The following REV1 variants were observed in gnomAD, a reference collection of about 807,000 sequenced individuals.
REV1 encodes the protein REV1 DNA directed polymerase.
A neutral mutation model predicts 137.4 loss-of-function variants in REV1; 42 were observed. That is an observed-to-expected ratio of 0.31 (90% CI 0.24 to 0.40). The LOEUF is 0.40. Among genes scored for constraint, REV1 ranks in the 10% least tolerant of loss-of-function variants. The probability of loss-of-function intolerance (pLI) is 1.00; values close to 1 mark genes in which losing one functional copy is unlikely to be tolerated. For synonymous variants in REV1, 524 were observed against 519.2 expected (o/e 1.01, Z -0.12); for missense variants, 1,282 against 1,490.1 (o/e 0.86, Z 2.30).
At chr2:99,465,108 AAT>A in intron 1 of REV1, 123 bp from the exon 2 acceptor site, 1 of 587,054 alleles carries the variant, frequency 1.7e-6, no homozygotes, top group South Asian at 2.7e-5. Context: ...GAAAGTATAC[AAT>A]ATTAAGTAAA....
At chr2:99,411,202 C>T (rs1217389636) in intron 13 of REV1, among the ~76,000 whole-genome samples, 5 of 151,922 alleles carry the variant, frequency 3.3e-5, no homozygotes, top group Non-Finnish European at 4.4e-5. Flanking sequence ...GTAGGAGAAT[C>T]GCTTGAACCC....
At chr2:99,444,930 C>T (rs1183788414) in intron 4 of REV1, among the ~76,000 whole-genome samples, 1 of 152,164 alleles carries the variant, frequency 6.6e-6, no homozygotes, top group Non-Finnish European at 1.5e-5. Flanking sequence ...ATAAAAAAAT[C>T]CATCTTTATC....
intron 9 of REV1, among the ~76,000 whole-genome samples, chr2:99,428,948 T>G (rs1038562528): frequency 7.1e-6 from 1 of 141,844 alleles, no homozygotes; most frequent in Non-Finnish European, 1.5e-5. Context: ...GCCAAGATGG[T>G]GCCACTGCAC....
chr2:99,445,957 A>C (rs770873135), intron 4 of REV1, among the ~76,000 whole-genome samples: 23 of 152,358 alleles, frequency 1.5e-4, no homozygotes, highest in Admixed American at 4.6e-4. Context: ...TGTAACGTTT[A>C]TTAAATAGCT....
rs779796057 is a variant in REV1 at position 99,424,946 on chromosome 2, C to T, written c.1548-666G>A. The stretch of plus-strand genomic sequence containing the variant: ...TAAATCTGTGTGTCTCAGTGCCCCA[C>T]ATTACCTTTGACATTTGGAGCATTC... On this transcript the variant is annotated intron_variant, in intron 9 of 22. Coordinates refer to ENST00000258428, the MANE Select transcript of REV1 (RefSeq NM_016316.4). 7 of 1,243,240 alleles carry T rather than the reference C, an allele frequency of 5.6e-6. No individual in the cohort carries two copies. The African/African-American group carries it at 9.3e-5, about 17-fold the overall frequency. The allele number at this position is 1,243,240 out of a possible 1,614,324, so 77.0% of individuals were successfully genotyped here.
chr2:99,488,821 G>A (rs1402763011), intron 1 of REV1, among the ~76,000 whole-genome samples: 1 of 152,168 alleles, frequency 6.6e-6, no homozygotes, highest in Non-Finnish European at 1.5e-5. Flanking sequence ...TGCCAAGTCC[G>A]GAAAGACCAG....
chr2:99,440,335 G>T (rs1681319523), intron 5 of REV1, among the ~76,000 whole-genome samples: 1 of 152,228 alleles, frequency 6.6e-6, no homozygotes. Context: ...GGCTCCAGAT[G>T]AAGGGCTGCC....
intron 6 of REV1, among the ~76,000 whole-genome samples, chr2:99,438,343 A>G (rs1036652172): frequency 6.6e-6 from 1 of 152,354 alleles, no homozygotes; most frequent in African/African-American, 2.4e-5. Context: ...CTACGTGAGG[A>G]ATGAATGCTC....
intron 1 of REV1, among the ~76,000 whole-genome samples, chr2:99,474,139 T>C (rs1183857154): frequency 6.6e-6 from 1 of 152,228 alleles, no homozygotes; most frequent in Non-Finnish European, 1.5e-5. Context: ...AACATTCAAA[T>C]TTAATTTATT....
intron 14 of REV1, among the ~76,000 whole-genome samples, chr2:99,409,039 A>G (rs1676730848): frequency 6.6e-6 from 1 of 152,214 alleles, no homozygotes; most frequent in Non-Finnish European, 1.5e-5. Context: ...CTGTAATCCC[A>G]AAACGCTGGG....
At chr2:99,406,646 T>A in intron 15 of REV1, 156 bp from the exon 16 acceptor site, 1 of 528,566 alleles carries the variant, frequency 1.9e-6, no homozygotes, top group Non-Finnish European at 3.0e-6. Flanking sequence ...TCTATATGAC[T>A]TATTACAAAA....
At chr2:99,407,050 T>C (rs529771322) in intron 15 of REV1, 2 of 140,620 alleles carry the variant, frequency 1.4e-5, no homozygotes. Flanking sequence ...TACTTACATA[T>C]GCACACATAA....
chr2:99,437,700 G>A (rs1403623293), intron 6 of REV1, among the ~76,000 whole-genome samples: 2 of 151,766 alleles, frequency 1.3e-5, no homozygotes, highest in Admixed American at 6.6e-5. Flanking sequence ...ATTAATCATA[G>A]TTCTTAGAAG....
chr2:99,438,678 C>G lies in REV1; in HGVS notation c.1136G>C (p.Ser379Thr). ...TTCCCTTCCTGGAAAGATACCATTA[C>G]TTTGTCTTTGTAGGGTATTGACAAA... The part of the protein sequence containing the change: ...TEFVNTLQRQ[S>T]NGIFPGREKL... The change falls in exon 6 of 23, where the codon AGT (serine) becomes ACT (threonine). Residue 379 changes from serine (S) to threonine (T), a missense_variant. Physicochemically the swap from Ser to Thr is moderately conservative, Grantham distance 58. Transcript: ENST00000258428. 6.2e-7 allele frequency: 1 copy of G among 1,614,070 alleles called. No individual in the cohort carries two copies. The highest frequency in any genetic ancestry group is 8.5e-7 in the Non-Finnish European group (1 of 1,180,012).
chr2:99,448,923 C>T lies in REV1; in HGVS notation c.350+413G>A, dbSNP rs191352138. Among the ~76,000 whole-genome samples the T allele has an allele frequency of 1.6e-3, 242 of 152,224 alleles. 1 individual carries two copies. Among genetic ancestry groups the T allele is most frequent in the Middle Eastern group, 0.01 (3 of 294 alleles). The stretch of plus-strand genomic sequence containing the variant: ...ATAGTATTATCAACATGAGCTTAAA[C>T]GGTAGTGTTGTTTAAGACATTATTT... On this transcript the variant is annotated intron_variant, in intron 4 of 22. Transcript: ENST00000258428.
At chr2:99,416,386 AAC>A (rs1677860538) in intron 12 of REV1, among the ~76,000 whole-genome samples, 1 of 152,370 alleles carries the variant, frequency 6.6e-6, no homozygotes, top group East Asian at 1.9e-4. Context: ...TAATCTGTGG[AAC>A]ACACTTCAGG....
At chr2:99,463,495 G>T (rs1318562922) in intron 2 of REV1, among the ~76,000 whole-genome samples, 1 of 152,162 alleles carries the variant, frequency 6.6e-6, no homozygotes, top group East Asian at 1.9e-4. Flanking sequence ...ACCCCAGCCT[G>T]GACAACAAGA....
chr2:99,423,667 A>C (rs1678973143), intron 10 of REV1, among the ~76,000 whole-genome samples: 1 of 152,234 alleles, frequency 6.6e-6, no homozygotes, highest in Non-Finnish European at 1.5e-5. Context: ...ACCATTTTGA[A>C]ACTATTATTA....
intron 9 of REV1, among the ~76,000 whole-genome samples, chr2:99,427,394 T>G (rs1447331368): frequency 1.3e-5 from 2 of 152,222 alleles, no homozygotes; most frequent in African/African-American, 4.8e-5. Flanking sequence ...ATATAAAGTT[T>G]GCTCTCTACT....
Sources: allele counts gnomAD v4.1 joint callset (sites outside exome capture counted in the v4.1 genomes callset), GRCh38; gene constraint gnomAD v4.1.1; transcripts MANE v1.5; gene names NCBI Gene and HGNC (gene_info 2026-07-23, HGNC 2026-07-21).